The following ETV1 variants were observed in gnomAD, a reference collection of about 807,000 sequenced individuals.
ETV1 encodes the protein ETS translocation variant 1.
A neutral mutation model predicts 62.3 loss-of-function variants in ETV1; 27 were observed. The observed-to-expected ratio is 0.43, with a 90% CI of 0.32 to 0.60. The LOEUF (loss-of-function observed/expected upper bound fraction) is 0.60. Among genes scored for constraint, ETV1 ranks in the 20% least tolerant of loss-of-function variants. The pLI is 0.06. For missense variants in ETV1, 605 were observed against 605.8 expected (o/e 1.00, Z 0.01); for synonymous variants, 222 against 199.6 (o/e 1.11, Z -0.94).
intron 9 of ETV1, among the ~76,000 whole-genome samples, chr7:13,921,839 C>T (rs116788423): frequency 0.047 from 7,085 of 152,028 alleles, 571 homozygotes; most frequent in African/African-American, 0.16. Flanking sequence ...AAAGAGTGAA[C>T]GTATACCGAA....
At chr7:13,911,143 C>T (rs1783520361) in intron 10 of ETV1, 96 bp downstream of exon 10, 14 of 832,072 alleles carry the variant, frequency 1.7e-5, no homozygotes, top group Non-Finnish European at 2.7e-5. Flanking sequence ...ATGATTTTTC[C>T]CAAATAATAT....
intron 9 of ETV1, among the ~76,000 whole-genome samples, chr7:13,919,167 C>A (rs1784538018): frequency 6.6e-6 from 1 of 152,026 alleles, no homozygotes; most frequent in African/African-American, 2.4e-5. Context: ...TTACCCGTTA[C>A]AAAAACACTA....
intron 12 of ETV1, among the ~76,000 whole-genome samples, chr7:13,902,532 G>C (rs1315114473): frequency 1.3e-5 from 2 of 151,594 alleles, no homozygotes; most frequent in Non-Finnish European, 2.9e-5. Flanking sequence ...GGGGGCGCTG[G>C]GGGGAGGCAA....
chr7:13,903,915 T>C (rs1265965521), intron 12 of ETV1, among the ~76,000 whole-genome samples: 1 of 152,096 alleles, frequency 6.6e-6, no homozygotes, highest in Non-Finnish European at 1.5e-5. Flanking sequence ...ACTGAGCAGA[T>C]AATCTGTGCA....
At chr7:13,928,841 C>A (rs919504980) in intron 9 of ETV1, among the ~76,000 whole-genome samples, 2 of 152,006 alleles carry the variant, frequency 1.3e-5, no homozygotes, top group African/African-American at 4.8e-5. Flanking sequence ...GCCTGTAATC[C>A]CAGTTACTCG....
chr7:13,931,484 C>T lies in ETV1; in HGVS notation c.802+18G>A, dbSNP rs752073043. 1.7e-5 allele frequency: 28 copies of T among 1,613,466 alleles called. No individual in the cohort carries two copies. The highest frequency in any genetic ancestry group is 7.7e-5 in the South Asian group (7 of 91,062). Reference sequence around the variant, plus strand: ...GAAAAAGTGCCTTGAATGTAATTTGCGCAGAGCGCAGGCCTACCTGAGTCA... The same window carrying T: ...GAAAAAGTGCCTTGAATGTAATTTGTGCAGAGCGCAGGCCTACCTGAGTCA... On this transcript the variant is annotated intron_variant, in intron 9 of 13. Coordinates refer to ENST00000430479, the MANE Select transcript of ETV1 (RefSeq NM_004956.5).
chr7:13,956,162 T>G lies in ETV1; in HGVS notation c.236-16916A>C, dbSNP rs571552614. On this transcript the variant is annotated intron_variant, in intron 6 of 13. Transcript: ENST00000430479. Reference sequence around the variant, plus strand: ...TAGCCGAAAATATAAAATCAAGTATTATACAAGTATTCACTAATTACATAC... The same window carrying G: ...TAGCCGAAAATATAAAATCAAGTATGATACAAGTATTCACTAATTACATAC... Among the ~76,000 whole-genome samples, 3 of 152,322 alleles carry G rather than the reference T, an allele frequency of 2.0e-5. No individual in the cohort carries two copies. In the South Asian group the frequency reaches 6.2e-4, roughly 32 times the overall value.
intron 6 of ETV1, among the ~76,000 whole-genome samples, chr7:13,952,508 C>T (rs2128473494): frequency 6.6e-6 from 1 of 152,262 alleles, no homozygotes; most frequent in Admixed American, 6.5e-5. Context: ...AACCCTTAAT[C>T]ACCATGAAAA....
rs1460438151 is a variant in ETV1 at position 13,891,434 on chromosome 7, C to T, written c.*4432G>A. The T allele has an allele frequency of 8.6e-6, 2 of 231,532 alleles. No homozygotes were observed. Among genetic ancestry groups the T allele is most frequent in the Non-Finnish European group, 1.7e-5 (2 of 117,152 alleles). 14.3% of individuals were successfully genotyped at this position (231,532 alleles called of 1,614,324 possible). A position where few individuals can be genotyped will look rare whatever the true frequency, so the allele number is the denominator to read the frequency against. ...CTGGAGTCTATATGCAAAAAAGACC[C>T]TACCTTACATATGAATCCATAAACA... On this transcript the variant is annotated 3_prime_UTR_variant, in exon 14 of 14. Coordinates refer to ENST00000430479, the MANE Select transcript of ETV1 (RefSeq NM_004956.5).
At chr7:13,970,793 G>A (rs1347372884) in intron 6 of ETV1, among the ~76,000 whole-genome samples, 1 of 151,950 alleles carries the variant, frequency 6.6e-6, no homozygotes, top group African/African-American at 2.4e-5. Context: ...ACCACAAATG[G>A]AATTTTTCTG....
intron 9 of ETV1, among the ~76,000 whole-genome samples, chr7:13,920,938 T>A (rs748149738): frequency 2.0e-5 from 3 of 152,180 alleles, no homozygotes; most frequent in Non-Finnish European, 2.9e-5. Flanking sequence ...TAGGAAGACA[T>A]CACTGTCACT....
At chr7:13,970,184 C>T (rs1025323366) in intron 6 of ETV1, among the ~76,000 whole-genome samples, 2 of 151,540 alleles carry the variant, frequency 1.3e-5, no homozygotes, top group Admixed American at 6.6e-5. Context: ...TGGCGTGAAC[C>T]CGGGAGGCGG....
At chr7:13,981,501 T>TTACATACA (rs576698388) in intron 5 of ETV1, among the ~76,000 whole-genome samples, 3 of 138,584 alleles carry the variant, frequency 2.2e-5, no homozygotes, top group Admixed American at 7.5e-5. Context: ...GTTTACAAAG[T>TTACATACA]TACATACATA....
chr7:13,987,417 T>A (rs1782646603), intron 4 of ETV1, among the ~76,000 whole-genome samples: 3 of 152,178 alleles, frequency 2.0e-5, no homozygotes. Context: ...TCTAAGTATA[T>A]TAAGTTTATT....
chr7:13,903,396 C>A (rs1035101707), intron 12 of ETV1, among the ~76,000 whole-genome samples: 1 of 152,152 alleles, frequency 6.6e-6, no homozygotes, highest in Non-Finnish European at 1.5e-5. Context: ...CCTGGTAACT[C>A]TTCCAGCTCA....
intron 6 of ETV1, among the ~76,000 whole-genome samples, chr7:13,956,501 G>T (rs1218314566): frequency 1.3e-5 from 2 of 152,200 alleles, no homozygotes; most frequent in African/African-American, 4.8e-5. Flanking sequence ...CATAGCAATA[G>T]TGTCATGGCA....
chr7:13,901,577 C>G (rs1224292829), intron 12 of ETV1, among the ~76,000 whole-genome samples: 2 of 151,944 alleles, frequency 1.3e-5, no homozygotes, highest in East Asian at 3.9e-4. Context: ...TTATGATAAG[C>G]CAAAGGAAAA....
chr7:13,986,740 T>A, intron 4 of ETV1, 55 bp from the exon 5 acceptor site: 2 of 1,193,990 alleles, frequency 1.7e-6, no homozygotes, highest in Non-Finnish European at 2.4e-6. Flanking sequence ...TAATCTTCAT[T>A]AAATGGAAAT....
chr7:13,930,601 G>T (rs140702194), intron 9 of ETV1, among the ~76,000 whole-genome samples: 1 of 151,878 alleles, frequency 6.6e-6, no homozygotes, highest in Admixed American at 6.6e-5. Flanking sequence ...GATTACAGGC[G>T]TGAGCCACCA....
Sources: allele counts gnomAD v4.1 joint callset (sites outside exome capture counted in the v4.1 genomes callset), GRCh38; gene constraint gnomAD v4.1.1; transcripts MANE v1.5; gene names NCBI Gene and HGNC (gene_info 2026-07-23, HGNC 2026-07-21).